Variants in CYTH3 observed in about 807,000 individuals in gnomAD.
CYTH3 encodes cytohesin 3.
In CYTH3, 23 loss-of-function variants were observed where a neutral mutation model predicts 55.1. That is an observed-to-expected ratio of 0.42 (90% CI 0.30 to 0.59). CYTH3 has a LOEUF of 0.59. CYTH3 is among the 20% of genes least tolerant of loss of function. The pLI is 0.20. For synonymous variants in CYTH3, 249 were observed against 194.9 expected, an observed-to-expected ratio of 1.28 and a Z score of -2.31; for missense variants, 413 against 524.8, an observed-to-expected ratio of 0.79 and a Z score of 2.08.
chr7:6,194,645 A>G (rs1288701201), intron 1 of CYTH3, among the ~76,000 whole-genome samples: 3 of 152,226 alleles, frequency 2.0e-5, no homozygotes, highest in African/African-American at 7.2e-5. Context: ...AACAGAAGAT[A>G]TGTACCAATA....
intron 11 of CYTH3, 38 bp from the exon 12 acceptor site, chr7:6,165,465 CT>C: frequency 6.2e-7 from 1 of 1,608,904 alleles, no homozygotes; most frequent in Non-Finnish European, 8.5e-7. Context: ...GTCAGGGGGG[CT>C]TGGGGCAGGT....
rs933850484 is a variant in CYTH3, at chr7:6,272,601, G to C, written c.-94C>G. The C allele has an allele frequency of 1.2e-5, 12 of 1,008,162 alleles. No individual in the cohort carries two copies. Among genetic ancestry groups the C allele is most frequent in the Non-Finnish European group, 1.3e-5 (11 of 825,974 alleles). 62.5% of individuals were successfully genotyped at this position (1,008,162 alleles called of 1,614,324 possible). A position where few individuals can be genotyped will look rare whatever the true frequency, so the allele number is the denominator to read the frequency against. ...CCGGAGGGAGCGCGCAGGCGACCGG[G>C]CGGCTCCTCAGCGCGCGGCCCGGGT... On this transcript the variant is annotated 5_prime_UTR_variant, in exon 1 of 13. Transcript: ENST00000350796.
At chr7:6,266,643 G>A (rs1405097496) in intron 1 of CYTH3, among the ~76,000 whole-genome samples, 3 of 152,040 alleles carry the variant, frequency 2.0e-5, no homozygotes, top group Admixed American at 6.6e-5. Context: ...CTTCCCTTCT[G>A]TCTGGTCCAC....
In CYTH3 at chr7:6,167,031, C is replaced by T. The variant is rs1202674126; in HGVS notation, c.824-1221G>A. The stretch of plus-strand genomic sequence containing the variant: ...CCCCAACATCTCTCCTGAGCCCTGG[C>T]GGGGCTTCCACTCCCCGAACCCCTG... On this transcript the variant is annotated intron_variant, in intron 9 of 12. Transcript: ENST00000350796. This position sits in a 1 kb window ranked among gnomAD's most constrained non-coding sequence, Gnocchi z 5.5. Among the ~76,000 whole-genome samples, 6 of 152,154 alleles carry T rather than the reference C, an allele frequency of 3.9e-5. No individual in the cohort carries two copies. The highest frequency in any genetic ancestry group is 3.3e-4 in the Admixed American group (5 of 15,270).
At chr7:6,248,039 G>C (rs982117284) in intron 1 of CYTH3, among the ~76,000 whole-genome samples, 2 of 151,752 alleles carry the variant, frequency 1.3e-5, no homozygotes, top group African/African-American at 2.4e-5. Flanking sequence ...CCACTTATTT[G>C]TGTTTCTTGA....
chr7:6,267,911 C>A (rs1380809805), intron 1 of CYTH3, among the ~76,000 whole-genome samples: 3 of 152,104 alleles, frequency 2.0e-5, no homozygotes, highest in Non-Finnish European at 1.5e-5. Context: ...AACTGCTTTC[C>A]AATTTTAGAA....
intron 1 of CYTH3, among the ~76,000 whole-genome samples, chr7:6,252,901 C>G (rs1316098598): frequency 1.3e-5 from 2 of 152,120 alleles, no homozygotes; most frequent in African/African-American, 2.4e-5. Context: ...CAGATAACTA[C>G]CTCCGGATGG....
chr7:6,226,697 C>T (rs2128552734), intron 1 of CYTH3, among the ~76,000 whole-genome samples: 1 of 152,300 alleles, frequency 6.6e-6, no homozygotes, highest in Non-Finnish European at 1.5e-5. Context: ...AGCAACACAA[C>T]ATCTCAAAGG....
chr7:6,187,415 C>G (rs143963223), intron 3 of CYTH3, among the ~76,000 whole-genome samples: 108 of 152,336 alleles, frequency 7.1e-4, no homozygotes, highest in African/African-American at 2.5e-3. Flanking sequence ...CCTGAAGTGC[C>G]TGTGCTTATG....
chr7:6,265,760 C>T (rs141470183), intron 1 of CYTH3, among the ~76,000 whole-genome samples: 1 of 152,222 alleles, frequency 6.6e-6, no homozygotes, highest in East Asian at 1.9e-4. Flanking sequence ...GTGACATGAC[C>T]TGCGTGTCAA....
At chr7:6,183,923 G>A (rs1039790820) in intron 4 of CYTH3, among the ~76,000 whole-genome samples, 4 of 151,364 alleles carry the variant, frequency 2.6e-5, no homozygotes, top group East Asian at 1.9e-4. Context: ...GCAAGAAGGC[G>A]GCTACTAGCA....
At chr7:6,236,015 C>G (rs766867133) in intron 1 of CYTH3, among the ~76,000 whole-genome samples, 13 of 152,252 alleles carry the variant, frequency 8.5e-5, no homozygotes, top group East Asian at 3.9e-4. Flanking sequence ...AGCCAATTCA[C>G]GAAGTCACAC....
At chr7:6,256,241 A>G (rs1001256364) in intron 1 of CYTH3, among the ~76,000 whole-genome samples, 6 of 152,200 alleles carry the variant, frequency 3.9e-5, no homozygotes, top group African/African-American at 1.4e-4. Context: ...AGACTCGAGA[A>G]CTTCTGCCGG....
rs1319048746 is a variant in CYTH3, at chr7:6,179,852, GACACACCACACACACCCACACACACCAC to G, written c.250-1939_250-1912del. On this transcript the variant is annotated intron_variant, in intron 4 of 12. Transcript: ENST00000350796. ...CGCACACCACATACACCACACCACA[GACACACCACACACACCCACACACACCAC>G]ACACACCACACACACCCACACACAA... Among the ~76,000 whole-genome samples the G allele has an allele frequency of 2.6e-3, 130 of 50,434 alleles. 1 individual carries two copies. Among genetic ancestry groups the G allele is most frequent in the African/African-American group, 0.011 (126 of 11,922 alleles). 33.1% of individuals were successfully genotyped at this position (50,434 alleles called of 152,430 possible).
At chr7:6,249,476 C>T (rs575711276) in intron 1 of CYTH3, among the ~76,000 whole-genome samples, 43 of 152,278 alleles carry the variant, frequency 2.8e-4, no homozygotes, top group Non-Finnish European at 5.7e-4. Flanking sequence ...ACAGTGGCTT[C>T]GGAGGGCCTT....
At chr7:6,182,087 G>A (rs1413254641) in intron 4 of CYTH3, among the ~76,000 whole-genome samples, 8 of 151,332 alleles carry the variant, frequency 5.3e-5, no homozygotes, top group African/African-American at 1.9e-4. Flanking sequence ...TGCTCTTATC[G>A]CCCAGGCTGG....
Position 6,187,088 on chromosome 7 carries a change from C to A in CYTH3, c.211G>T (p.Ala71Ser). Reference protein sequence around the residue: ...SKTTQRNKQIAMGRKKFNMDP... With the variant: ...SKTTQRNKQISMGRKKFNMDP... ...ATGTTGAATTTCTTTCTTCCCATGG[C>A]TATCTGTTTGTTCCTCTGAGTCGTT... The change falls in exon 4 of 13, where the codon GCC becomes TCC. Residue 71 changes from alanine to serine, a missense_variant. Transcript: ENST00000350796. 1 of 1,614,176 alleles carries A rather than the reference C, an allele frequency of 6.2e-7. No homozygotes were observed. The highest frequency in any genetic ancestry group is 1.7e-5 in the Admixed American group (1 of 60,022).
At chr7:6,223,163 G>C (rs937906158) in intron 1 of CYTH3, among the ~76,000 whole-genome samples, 1 of 152,108 alleles carries the variant, frequency 6.6e-6, no homozygotes, top group Non-Finnish European at 1.5e-5. Context: ...GCCCCGTCTG[G>C]GAGGTGGGGG....
At chr7:6,230,855 T>C (rs937075023) in intron 1 of CYTH3, among the ~76,000 whole-genome samples, 3 of 152,186 alleles carry the variant, frequency 2.0e-5, no homozygotes, top group African/African-American at 7.2e-5. Context: ...ATAGGTAATG[T>C]TTATTTTCTT....
Sources: allele counts gnomAD v4.1 joint callset (sites outside exome capture counted in the v4.1 genomes callset), GRCh38; gene constraint gnomAD v4.1.1; non-coding constraint Gnocchi (gnomAD v3.1); transcripts MANE v1.5; gene names NCBI Gene and HGNC (gene_info 2026-07-23, HGNC 2026-07-21).